The following CWF19L2 variants were observed in gnomAD, a reference collection of about 807,000 sequenced individuals.
CWF19L2 encodes CWF19-like protein 2.
CWF19L2 carries 98 observed loss-of-function variants against 111.7 expected under a neutral mutation model. That is an observed-to-expected ratio of 0.88 (90% confidence interval 0.75 to 1.04). The LOEUF (loss-of-function observed/expected upper bound fraction) is 1.04, where lower values mean the gene tolerates loss of function less well. Ranked by LOEUF, CWF19L2 falls within the 50% of genes least tolerant of loss-of-function variation. The pLI, the probability that CWF19L2 is intolerant of heterozygous loss-of-function variation, is 0.00. For missense variants in CWF19L2, 1,101 were observed against 1,051.4 expected (o/e 1.05, Z -0.65); for synonymous variants, 351 against 342.9 (o/e 1.02, Z -0.26).
chr11:107,453,309 T>C (rs1861804175), intron 3 of CWF19L2, among the ~76,000 whole-genome samples: 1 of 152,236 alleles, frequency 6.6e-6, no homozygotes, highest in East Asian at 1.9e-4. Flanking sequence ...TCAGAGCCAA[T>C]GGACAGGTGG....
intron 12 of CWF19L2, among the ~76,000 whole-genome samples, chr11:107,362,819 T>C (rs374892787): frequency 0.022 from 2,974 of 132,468 alleles, 38 homozygotes; most frequent in African/African-American, 0.067. Context: ...CAAAGCTGGA[T>C]GGAGAATGAC....
In CWF19L2 at chr11:107,375,869, C is replaced by T. The variant is rs369432163; in HGVS notation, c.1872+14205G>A. On this transcript the variant is annotated intron_variant, in intron 12 of 17. Transcript: ENST00000282251. Reference sequence around the variant, plus strand: ...GAAAGGATCAACAAAATTGATAGACCGCTAGCAAGACTAATAAAGAGAGAA... The same window carrying T: ...GAAAGGATCAACAAAATTGATAGACTGCTAGCAAGACTAATAAAGAGAGAA... 2.9e-4 allele frequency among the ~76,000 whole-genome samples: 12 copies of T among 41,464 alleles called. 1 individual carries two copies. Among genetic ancestry groups the T allele is most frequent in the East Asian group, 1.8e-3 (3 of 1,702 alleles). The allele number at this position is 41,464 out of a possible 152,430, so 27.2% of individuals were successfully genotyped here.
Position 107,455,776 on chromosome 11 carries a change from C to A in CWF19L2, c.106G>T (p.Ala36Ser). Residue 36 changes from alanine to serine, a missense_variant and splice_region_variant, in exon 2 of 18, where the codon GCT (alanine) becomes TCT (serine). Coordinates refer to ENST00000282251, the MANE Select transcript of CWF19L2 (RefSeq NM_152434.3). The stretch of plus-strand genomic sequence containing the variant: ...TCTTCTTTTTCAAAATTGGCTTTAG[C>A]CTACAACCAAAGAAAAAAAAAAGAC... Reference protein sequence around the residue: ...RNARAEVLRQAKANFEKEERR... With the variant: ...RNARAEVLRQSKANFEKEERR... 7 of 1,536,500 alleles carry A rather than the reference C, an allele frequency of 4.6e-6. No homozygotes were observed. The highest frequency in any genetic ancestry group is 6.1e-6 in the Non-Finnish European group (7 of 1,139,930).
chr11:107,397,416 T>A (rs925397487), intron 10 of CWF19L2, among the ~76,000 whole-genome samples: 1 of 152,134 alleles, frequency 6.6e-6, no homozygotes, highest in East Asian at 1.9e-4. Context: ...CCTGACAACC[T>A]GCATGACTCA....
intron 7 of CWF19L2, among the ~76,000 whole-genome samples, chr11:107,433,256 C>T (rs1861489319): frequency 6.6e-6 from 1 of 151,962 alleles, no homozygotes; most frequent in Admixed American, 6.6e-5. Flanking sequence ...AGTATATATA[C>T]ACTCTTTTAA....
intron 14 of CWF19L2, chr11:107,348,725 G>A (rs1047985207): frequency 3.5e-5 from 10 of 287,358 alleles, no homozygotes; most frequent in Admixed American, 1.5e-4. Context: ...AGTTTATTTC[G>A]TAGATAAAAG....
chr11:107,431,529 G>T (rs1031424678), intron 7 of CWF19L2, among the ~76,000 whole-genome samples: 15 of 151,974 alleles, frequency 9.9e-5, no homozygotes, highest in East Asian at 7.7e-4. Flanking sequence ...ACTCCAAAAA[G>T]AGTCGTAAAT....
At chr11:107,378,121 G>T (rs57736894) in intron 12 of CWF19L2, among the ~76,000 whole-genome samples, 21,119 of 149,146 alleles carry the variant, frequency 0.14, 98 homozygotes, top group Middle Eastern at 0.24. Context: ...GAAACAACAG[G>T]TGCTGGAGAG....
At chr11:107,337,328 C>T (rs1405901777) in intron 14 of CWF19L2, among the ~76,000 whole-genome samples, 1 of 150,812 alleles carries the variant, frequency 6.6e-6, no homozygotes, top group Non-Finnish European at 1.5e-5. Context: ...TATTATACAA[C>T]TATACACACA....
At chr11:107,410,282 T>A (rs1861138161) in intron 10 of CWF19L2, among the ~76,000 whole-genome samples, 1 of 151,210 alleles carries the variant, frequency 6.6e-6, no homozygotes, top group African/African-American at 2.4e-5. Context: ...CTCTGATTTC[T>A]AAAAAAAAAC....
At chr11:107,453,209 A>G (rs986453466) in intron 3 of CWF19L2, among the ~76,000 whole-genome samples, 2 of 152,218 alleles carry the variant, frequency 1.3e-5, no homozygotes, top group African/African-American at 4.8e-5. Flanking sequence ...GACATTACAC[A>G]GTAGAATAGC....
intron 12 of CWF19L2, among the ~76,000 whole-genome samples, chr11:107,387,179 T>C (rs1053430436): frequency 2.1e-4 from 32 of 152,022 alleles, no homozygotes; most frequent in African/African-American, 7.7e-4. Flanking sequence ...TCCATAACAG[T>C]ATTCTTGATT....
intron 8 of CWF19L2, among the ~76,000 whole-genome samples, chr11:107,421,494 C>T (rs1861302378): frequency 6.6e-6 from 1 of 151,980 alleles, no homozygotes. Flanking sequence ...TATAGCCTGC[C>T]TGATAAAAAA....
Position 107,428,946 on chromosome 11 carries a change from T to G in CWF19L2, c.1286A>C (p.Lys429Thr). Reference protein sequence around the residue: ...WSRSDGRGDKKHSNQKPSETS... With the variant: ...WSRSDGRGDKTHSNQKPSETS... ...TTCCGATGGCTTTTGATTTGAATGT[T>G]TCTTGTCTCCTCTCCCATCAGAGCG... The change falls in exon 8 of 18, where the codon AAA becomes ACA. Residue 429 changes from lysine (K) to threonine (T), a missense_variant. Lys to Thr is a moderately conservative substitution (Grantham distance 78). Coordinates refer to ENST00000282251, the MANE Select transcript of CWF19L2 (RefSeq NM_152434.3). The G allele has an allele frequency of 6.2e-6, 10 of 1,613,778 alleles. No homozygotes were observed. Among genetic ancestry groups the G allele is most frequent in the Non-Finnish European group, 8.5e-6 (10 of 1,179,800 alleles).
chr11:107,340,315 G>A (rs1859987814), intron 14 of CWF19L2, among the ~76,000 whole-genome samples: 1 of 152,146 alleles, frequency 6.6e-6, no homozygotes, highest in Non-Finnish European at 1.5e-5. Flanking sequence ...CTGGAGGGCT[G>A]TGTGCCGTTT....
At chr11:107,358,818 T>C (rs1220449452) in intron 12 of CWF19L2, among the ~76,000 whole-genome samples, 3 of 152,008 alleles carry the variant, frequency 2.0e-5, no homozygotes, top group South Asian at 2.1e-4. Context: ...AACCCAAGAG[T>C]GGCCTTAGGG....
At chr11:107,338,624 G>T (rs1022784068) in intron 14 of CWF19L2, among the ~76,000 whole-genome samples, 1 of 152,024 alleles carries the variant, frequency 6.6e-6, no homozygotes, top group Non-Finnish European at 1.5e-5. Context: ...ATGTGTCCAG[G>T]TGTTCTCATC....
intron 12 of CWF19L2, among the ~76,000 whole-genome samples, chr11:107,355,874 C>G (rs949265454): frequency 1.3e-5 from 2 of 152,164 alleles, no homozygotes; most frequent in African/African-American, 4.8e-5. Flanking sequence ...ACACTATCAA[C>G]CAACTTGACT....
chr11:107,415,229 G>T (rs1861208849), intron 10 of CWF19L2, among the ~76,000 whole-genome samples: 1 of 151,998 alleles, frequency 6.6e-6, no homozygotes, highest in Non-Finnish European at 1.5e-5. Flanking sequence ...TGTTCCCTAT[G>T]ACTACTGCGC....
Sources: gnomAD v4.1 joint callset for allele counts (sites outside exome capture counted in the v4.1 genomes callset) on GRCh38, gnomAD v4.1.1 for gene constraint, MANE v1.5 for transcripts, NCBI Gene and HGNC (gene_info 2026-07-23, HGNC 2026-07-21) for gene names.